The following SIAH3 variants were observed in gnomAD, a reference collection of about 807,000 sequenced individuals.
SIAH3 encodes the protein siah E3 ubiquitin protein ligase family member 3.
In SIAH3, 9 loss-of-function variants were observed where a neutral mutation model predicts 12.6. The ratio of observed to expected loss-of-function variants is 0.72; its 90% CI spans 0.43 to 1.25. SIAH3 has a LOEUF of 1.25. SIAH3 is among the 50% of genes most tolerant of loss of function. SIAH3 has a pLI of 0.00. For synonymous variants in SIAH3, 154 were observed against 151.1 expected, an observed-to-expected ratio of 1.02 and a Z score of -0.14; for missense variants, 390 against 365.4, an observed-to-expected ratio of 1.07 and a Z score of -0.55.
At position 45,783,855 on chromosome 13, in the gene SIAH3, G is replaced by C; in HGVS notation, c.338C>G (p.Ser113Cys). Residue 113 changes from serine to cysteine, a missense_variant, in exon 2 of 2, where the codon TCC becomes TGC. Ser to Cys is a moderately radical substitution (Grantham distance 112). Transcript: ENST00000400405. ...TPCLCMCPLF[S>C]CQWEGRLEVV... is the part of the protein sequence containing the mutation. ...CTCCAGGCGGCCTTCCCACTGGCAG[G>C]AGAACAAGGGACACATGCACAGGCA... 6.2e-7 allele frequency: 1 copy of C among 1,614,074 alleles called. No homozygotes were observed. Among genetic ancestry groups the C allele is most frequent in the Non-Finnish European group, 8.5e-7 (1 of 1,180,000 alleles).
intron 1 of SIAH3, among the ~76,000 whole-genome samples, chr13:45,831,238 A>G (rs1015962175): frequency 1.3e-5 from 2 of 151,966 alleles, no homozygotes; most frequent in African/African-American, 4.8e-5. Flanking sequence ...TAAAAAAATG[A>G]ATCGTCTATG....
chr13:45,819,494 C>G (rs1950647411), intron 1 of SIAH3, among the ~76,000 whole-genome samples: 1 of 151,974 alleles, frequency 6.6e-6, no homozygotes. Flanking sequence ...TACAAGAAAC[C>G]AATAACTGCA....
chr13:45,850,840 A>C (rs1230431576), intron 1 of SIAH3, among the ~76,000 whole-genome samples: 2 of 151,880 alleles, frequency 1.3e-5, no homozygotes, highest in African/African-American at 4.8e-5. Context: ...TCATTATTAC[A>C]CAAGCCAGGC....
chr13:45,841,232 T>C (rs1950739016), intron 1 of SIAH3, among the ~76,000 whole-genome samples: 1 of 152,196 alleles, frequency 6.6e-6, no homozygotes, highest in Non-Finnish European at 1.5e-5. Context: ...CGAGAGGCCA[T>C]GAAGTCTGGT....
intron 1 of SIAH3, among the ~76,000 whole-genome samples, chr13:45,829,673 C>T (rs996441774): frequency 3.9e-5 from 6 of 152,138 alleles, no homozygotes; most frequent in South Asian, 4.2e-4. Context: ...GGCAGACCTG[C>T]GCTCCCGCCC....
At chr13:45,802,125 G>A (rs558466148) in intron 1 of SIAH3, among the ~76,000 whole-genome samples, 2 of 152,228 alleles carry the variant, frequency 1.3e-5, no homozygotes, top group East Asian at 1.9e-4. Flanking sequence ...GGCCAACATG[G>A]TGAAACCCCA....
At position 45,851,730 on chromosome 13, in the gene SIAH3, C is replaced by A; in HGVS notation, c.-101G>T. ...AGCCTCTGAGACACTCCGCTCCAGC[C>A]CGGCTTAGCGCGCCTTCATATTCAT... On this transcript the variant is annotated 5_prime_UTR_variant, in exon 1 of 2. Coordinates refer to ENST00000400405, the MANE Select transcript of SIAH3 (RefSeq NM_198849.3). 1.4e-6 allele frequency: 2 copies of A among 1,479,804 alleles called. No homozygotes were observed. The highest frequency in any genetic ancestry group is 1.2e-5 in the South Asian group (1 of 81,544). The allele number at this position is 1,479,804 out of a possible 1,614,324, so 91.7% of individuals were successfully genotyped here.
intron 1 of SIAH3, among the ~76,000 whole-genome samples, chr13:45,788,798 A>G (rs1950535982): frequency 6.6e-6 from 1 of 152,184 alleles, no homozygotes; most frequent in Admixed American, 6.5e-5. Context: ...ATTTTAGCTG[A>G]AAGAGGATTT....
chr13:45,832,992 C>T (rs781313717), intron 1 of SIAH3, among the ~76,000 whole-genome samples: 23 of 152,086 alleles, frequency 1.5e-4, no homozygotes, highest in Admixed American at 3.3e-4. Flanking sequence ...TGAAAGAATT[C>T]GGGAAATTCT....
intron 1 of SIAH3, among the ~76,000 whole-genome samples, chr13:45,786,228 G>C (rs575523918): frequency 1.1e-3 from 164 of 152,268 alleles, no homozygotes; most frequent in African/African-American, 3.9e-3. Context: ...GGGCCGGTAG[G>C]CAGGCAACTT....
chr13:45,783,468 G>A lies in SIAH3; in HGVS notation c.725C>T (p.Ala242Val), dbSNP rs1465574895. 2 of 1,614,124 alleles carry A rather than the reference G, an allele frequency of 1.2e-6. No homozygotes were observed. Among genetic ancestry groups the A allele is most frequent in the Non-Finnish European group, 1.7e-6 (2 of 1,180,026 alleles). ...GDCLVLNTSL[A>V]QLFSDNGSLA... is the part of the protein sequence containing the mutation. ...GCTGCCGTTGTCAGAGAAGAGCTGT[G>A]CCAGCGAGGTGTTGAGGACGAGGCA... The change falls in exon 2 of 2, where the codon GCA (alanine) becomes GTA (valine). Residue 242 changes from alanine (A) to valine (V), a missense_variant. Transcript: ENST00000400405.
intron 1 of SIAH3, among the ~76,000 whole-genome samples, chr13:45,801,333 T>A (rs1423539654): frequency 6.6e-6 from 1 of 152,068 alleles, no homozygotes. Context: ...AGGTGAGCAC[T>A]CCTGGAAGAC....
chr13:45,777,387 A>G lies in SIAH3; in HGVS notation c.*5996T>C, dbSNP rs1382780413. 1 of 152,250 alleles carries G rather than the reference A, an allele frequency of 6.6e-6. No individual in the cohort carries two copies. The highest frequency in any genetic ancestry group is 2.4e-5 in the African/African-American group (1 of 41,460). The allele number at this position is 152,250 out of a possible 1,614,324, so 9.4% of individuals were successfully genotyped here. A position where few individuals can be genotyped will look rare whatever the true frequency, so the allele number is the denominator to read the frequency against. On this transcript the variant is annotated 3_prime_UTR_variant, in exon 2 of 2. Coordinates refer to ENST00000400405, the MANE Select transcript of SIAH3 (RefSeq NM_198849.3). ...ATATATACATTAATTCAGGGCAAGT[A>G]AAATGCTTCTCAATTTCCTTTCTCT... is the stretch of plus-strand genomic sequence containing the variant.
chr13:45,806,060 A>G (rs1047007569), intron 1 of SIAH3, among the ~76,000 whole-genome samples: 14 of 152,148 alleles, frequency 9.2e-5, no homozygotes, highest in Admixed American at 5.2e-4. Context: ...TTAAAAAGAC[A>G]AAAAATAACA....
intron 1 of SIAH3, among the ~76,000 whole-genome samples, chr13:45,800,629 C>T (rs1158391583): frequency 1.3e-5 from 2 of 152,200 alleles, no homozygotes; most frequent in South Asian, 2.1e-4. Context: ...TTCGCTGAGC[C>T]TCCCCCACTT....
chr13:45,802,244 T>C (rs1950584906), intron 1 of SIAH3, among the ~76,000 whole-genome samples: 1 of 152,184 alleles, frequency 6.6e-6, no homozygotes, highest in African/African-American at 2.4e-5. Flanking sequence ...AGGTGGATGC[T>C]GCAGTGAGCC....
intron 1 of SIAH3, among the ~76,000 whole-genome samples, chr13:45,812,191 A>T (rs1950618675): frequency 6.6e-6 from 1 of 152,204 alleles, no homozygotes; most frequent in Non-Finnish European, 1.5e-5. Context: ...AGGGCTGATG[A>T]TGTAGGTCCA....
At chr13:45,824,413 C>A (rs372861969) in intron 1 of SIAH3, among the ~76,000 whole-genome samples, 1 of 152,208 alleles carries the variant, frequency 6.6e-6, no homozygotes, top group South Asian at 2.1e-4. Flanking sequence ...TTAACAAAAG[C>A]AATAACAGAA....
chr13:45,826,449 A>T (rs1593384993), intron 1 of SIAH3, among the ~76,000 whole-genome samples: 1 of 92,156 alleles, frequency 1.1e-5, no homozygotes, highest in South Asian at 5.3e-4. Context: ...GCATGGATGG[A>T]TGGATGGATG....
Sources: gnomAD v4.1 joint callset for allele counts (sites outside exome capture counted in the v4.1 genomes callset) on GRCh38, gnomAD v4.1.1 for gene constraint, MANE v1.5 for transcripts, NCBI Gene and HGNC (gene_info 2026-07-23, HGNC 2026-07-21) for gene names.